Variants in PLEKHA2 observed in about 807,000 individuals in gnomAD.
PLEKHA2 encodes the protein pleckstrin homology domain-containing family A member 2.
Under a neutral mutation model 53.2 loss-of-function variants are expected in PLEKHA2, and 28 were observed. That is an observed-to-expected ratio of 0.53 (90% CI 0.39 to 0.72). The LOEUF is 0.72. PLEKHA2 is among the 30% of genes least tolerant of loss of function. The pLI is 0.00. For missense variants in PLEKHA2, 426 were observed against 537.9 expected, an observed-to-expected ratio of 0.79 and a Z score of 2.06; for synonymous variants, 193 against 196.4, an observed-to-expected ratio of 0.98 and a Z score of 0.14.
intron 2 of PLEKHA2, among the ~76,000 whole-genome samples, chr8:38,925,671 C>T (rs919250330): frequency 6.6e-6 from 1 of 152,134 alleles, no homozygotes; most frequent in East Asian, 1.9e-4. Flanking sequence ...GCAGTTCTTT[C>T]CATTGATGGG....
At chr8:38,968,512 A>C (rs990216189) in intron 10 of PLEKHA2, 80 bp from the exon 11 acceptor site, 55 of 1,378,116 alleles carry the variant, frequency 4.0e-5, no homozygotes, top group South Asian at 2.6e-4. Context: ...AATTTTATAA[A>C]CTTAATATTG....
At chr8:38,960,520 T>C (rs1217159938) in intron 10 of PLEKHA2, among the ~76,000 whole-genome samples, 6 of 152,168 alleles carry the variant, frequency 3.9e-5, no homozygotes, top group African/African-American at 1.4e-4. Context: ...AAACTCATTA[T>C]AAGTTAATAA....
chr8:38,948,026 CA>C (rs1371597841), intron 5 of PLEKHA2, among the ~76,000 whole-genome samples: 4 of 145,454 alleles, frequency 2.8e-5, no homozygotes, highest in African/African-American at 1.0e-4. Flanking sequence ...CTGGAGATTG[CA>C]GTGAGCCGAG....
intron 2 of PLEKHA2, among the ~76,000 whole-genome samples, chr8:38,932,569 C>G (rs550750200): frequency 2.0e-5 from 3 of 152,188 alleles, no homozygotes; most frequent in African/African-American, 4.8e-5. Context: ...TGCCCTGACA[C>G]CTGGCTAACC....
intron 5 of PLEKHA2, 160 bp from the exon 6 acceptor site, chr8:38,950,690 T>C (rs1370342913): frequency 9.0e-6 from 7 of 781,208 alleles, no homozygotes; most frequent in South Asian, 2.1e-5. Context: ...GTTGAGATGC[T>C]CATATTCAGA....
At chr8:38,957,600 G>C (rs920847378) in intron 10 of PLEKHA2, among the ~76,000 whole-genome samples, 2 of 152,152 alleles carry the variant, frequency 1.3e-5, no homozygotes, top group Admixed American at 6.5e-5. Flanking sequence ...AGGTTGAGCC[G>C]CTCTACTGAG....
intron 2 of PLEKHA2, among the ~76,000 whole-genome samples, chr8:38,931,768 G>A (rs1312377301): frequency 6.6e-6 from 1 of 152,076 alleles, no homozygotes; most frequent in Non-Finnish European, 1.5e-5. Flanking sequence ...GTGTGCTTCC[G>A]TCCAGTAGGA....
chr8:38,933,580 C>T lies in PLEKHA2; in HGVS notation c.142-2414C>T, dbSNP rs147175007. ...ACCCTTAGTCCTCAGCAGAGTCCTG[C>T]AGTTCCTGTGTCCCTGGAGCCCGTT... On this transcript the variant is annotated intron_variant, in intron 2 of 11. Transcript: ENST00000617275. Among the ~76,000 whole-genome samples, 122 of 151,634 alleles carry T rather than the reference C, an allele frequency of 8.0e-4. 1 individual carries two copies. Among genetic ancestry groups the T allele is most frequent in the African/African-American group, 2.8e-3 (115 of 41,162 alleles).
Position 38,915,922 on chromosome 8 carries a change from T to C in PLEKHA2, c.-23-1985T>C, listed in dbSNP as rs145317047. ...CACGTAACAGTCACTTCATGGAAGATGGGGTATTCATCCCCTTCAGCATTT... is the reference window on the plus strand; with the variant it reads ...CACGTAACAGTCACTTCATGGAAGACGGGGTATTCATCCCCTTCAGCATTT... On this transcript the variant is annotated intron_variant, in intron 1 of 11. Coordinates refer to ENST00000617275, the MANE Select transcript of PLEKHA2 (RefSeq NM_021623.2). Among the ~76,000 whole-genome samples, 23 of 152,326 alleles carry C rather than the reference T, an allele frequency of 1.5e-4. 1 individual carries two copies. In the East Asian group the frequency reaches 4.4e-3, roughly 29 times the overall value.
chr8:38,954,523 T>TAG (rs1834902143), intron 9 of PLEKHA2, among the ~76,000 whole-genome samples: 1 of 152,108 alleles, frequency 6.6e-6, no homozygotes, highest in African/African-American at 2.4e-5. Context: ...TTGAACTTTC[T>TAG]CTAACTCTCT....
intron 4 of PLEKHA2, among the ~76,000 whole-genome samples, chr8:38,945,034 C>T (rs1183192943): frequency 6.6e-6 from 1 of 152,012 alleles, no homozygotes; most frequent in Non-Finnish European, 1.5e-5. Context: ...GTCTCAGTTG[C>T]CCAATAGTGA....
chr8:38,928,587 A>T (rs1423357454), intron 2 of PLEKHA2, among the ~76,000 whole-genome samples: 1 of 152,052 alleles, frequency 6.6e-6, no homozygotes, highest in Non-Finnish European at 1.5e-5. Context: ...GAGTTGGAAG[A>T]CGGAAATAAA....
intron 2 of PLEKHA2, among the ~76,000 whole-genome samples, chr8:38,930,646 C>T (rs898035977): frequency 3.3e-5 from 5 of 151,458 alleles, no homozygotes; most frequent in East Asian, 1.9e-4. Flanking sequence ...CGGCACCCCA[C>T]GGCATGGCAT....
At position 38,968,574 on chromosome 8, in the gene PLEKHA2, G is replaced by A. The variant is rs750569842; in HGVS notation, c.838-18G>A. ...TAGTGCCTAAAATTTCTTGGTAAGA[G>A]CCATGGATGTTTTGCAGGCAGACAG... On this transcript the variant is annotated intron_variant, in intron 10 of 11. Transcript: ENST00000617275. 6.2e-7 allele frequency: 1 copy of A among 1,613,514 alleles called. No individual in the cohort carries two copies. Among genetic ancestry groups the A allele is most frequent in the East Asian group, 2.2e-5 (1 of 44,876 alleles).
At chr8:38,914,441 G>A (rs1025892048) in intron 1 of PLEKHA2, among the ~76,000 whole-genome samples, 1 of 152,246 alleles carries the variant, frequency 6.6e-6, no homozygotes, top group African/African-American at 2.4e-5. Flanking sequence ...CTCCCTCTGG[G>A]CCTGCAGTAC....
intron 10 of PLEKHA2, among the ~76,000 whole-genome samples, chr8:38,963,050 A>G (rs545761119): frequency 3.9e-5 from 6 of 152,360 alleles, no homozygotes; most frequent in Non-Finnish European, 7.3e-5. Flanking sequence ...AACCAGAAGT[A>G]GATATGGAAG....
At chr8:38,951,365 C>T (rs1250199266) in intron 6 of PLEKHA2, among the ~76,000 whole-genome samples, 6 of 151,924 alleles carry the variant, frequency 3.9e-5, no homozygotes, top group South Asian at 2.1e-4. Context: ...TCTCCTGGGT[C>T]GGCCCAACCT....
intron 1 of PLEKHA2, among the ~76,000 whole-genome samples, chr8:38,904,919 C>T (rs1217598474): frequency 2.0e-5 from 3 of 152,214 alleles, no homozygotes; most frequent in Admixed American, 1.3e-4. Context: ...GGGTGTCCAG[C>T]ACTTTTCACA....
At chr8:38,950,735 G>A in intron 5 of PLEKHA2, 115 bp from the exon 6 acceptor site, 1 of 1,337,948 alleles carries the variant, frequency 7.5e-7, no homozygotes. Context: ...GGACACGCAA[G>A]TCTGACTGTA....
Sources: gnomAD v4.1 joint callset for allele counts (sites outside exome capture counted in the v4.1 genomes callset) on GRCh38, gnomAD v4.1.1 for gene constraint, MANE v1.5 for transcripts, NCBI Gene and HGNC (gene_info 2026-07-23, HGNC 2026-07-21) for gene names.